NALCN: variants seen among roughly 807,000 people sequenced by gnomAD.
NALCN encodes sodium leak channel, non-selective.
NALCN carries 111 observed loss-of-function variants against 225.3 expected under a neutral mutation model. The observed-to-expected ratio is 0.49, with a 90% CI of 0.42 to 0.58. The LOEUF (loss-of-function observed/expected upper bound fraction) is 0.58, where lower values mean the gene tolerates loss of function less well. Ranked by LOEUF, NALCN falls within the 20% of genes least tolerant of loss-of-function variation. The pLI, the probability that NALCN is intolerant of heterozygous loss-of-function variation, is 0.00. For synonymous variants in NALCN, 764 were observed against 769.0 expected (o/e 0.99, Z 0.11); for missense variants, 1,378 against 2,202.4 (o/e 0.63, Z 7.49).
intron 18 of NALCN, among the ~76,000 whole-genome samples, chr13:101,120,837 G>A (rs564207679): frequency 1.3e-5 from 2 of 152,228 alleles, no homozygotes; most frequent in Non-Finnish European, 1.5e-5. Flanking sequence ...CAGCACTGCC[G>A]TCTTCAGAAC....
chr13:101,070,227 C>T (rs553803814), intron 37 of NALCN, among the ~76,000 whole-genome samples: 10 of 152,174 alleles, frequency 6.6e-5, no homozygotes, highest in South Asian at 2.1e-4. Flanking sequence ...CCACCATGCC[C>T]GGCTAATTTT....
chr13:101,260,733 T>G (rs1023228895), intron 10 of NALCN, among the ~76,000 whole-genome samples: 10 of 152,228 alleles, frequency 6.6e-5, no homozygotes, highest in African/African-American at 2.4e-4. Flanking sequence ...AGATTTTTCC[T>G]ATAGAGTTGT....
At chr13:101,406,990 G>A (rs1032871883) in intron 1 of NALCN, among the ~76,000 whole-genome samples, 8 of 152,110 alleles carry the variant, frequency 5.3e-5, no homozygotes, top group Non-Finnish European at 1.0e-4. Context: ...CTAAAAAATA[G>A]ATTCCACCTA....
intron 6 of NALCN, among the ~76,000 whole-genome samples, chr13:101,350,410 T>A (rs1412153308): frequency 6.6e-6 from 1 of 152,034 alleles, no homozygotes; most frequent in East Asian, 1.9e-4. Flanking sequence ...AGCTTAACTA[T>A]CATTTTCTCG....
At chr13:101,062,202 A>G in intron 40 of NALCN, 84 bp from the exon 41 acceptor site, 1 of 1,485,560 alleles carries the variant, frequency 6.7e-7, no homozygotes, top group Non-Finnish European at 9.1e-7. Context: ...CAGAGAGGAC[A>G]TCACTCAGTC....
intron 6 of NALCN, among the ~76,000 whole-genome samples, chr13:101,365,512 T>C (rs2046356920): frequency 6.6e-6 from 1 of 152,168 alleles, no homozygotes; most frequent in African/African-American, 2.4e-5. Context: ...ATTTAGTTGA[T>C]AAATTTTAAT....
chr13:101,410,312 C>T (rs2047743240), intron 1 of NALCN, among the ~76,000 whole-genome samples: 1 of 152,154 alleles, frequency 6.6e-6, no homozygotes, highest in Admixed American at 6.5e-5. Flanking sequence ...ATTAATGAGG[C>T]ATCACTAGCC....
chr13:101,105,015 A>G (rs1467009493), intron 22 of NALCN, 65 bp from the exon 23 acceptor site: 3 of 1,423,540 alleles, frequency 2.1e-6, no homozygotes, highest in Non-Finnish European at 3.0e-6. Context: ...GCTAAAAATC[A>G]TATTTGCAAA....
intron 17 of NALCN, among the ~76,000 whole-genome samples, chr13:101,128,101 C>T (rs939655150): frequency 6.6e-6 from 1 of 151,992 alleles, no homozygotes; most frequent in African/African-American, 2.4e-5. Flanking sequence ...GTAAACATAT[C>T]AGAGATGTGG....
At chr13:101,209,440 G>C (rs1292385068) in intron 13 of NALCN, among the ~76,000 whole-genome samples, 1 of 152,148 alleles carries the variant, frequency 6.6e-6, no homozygotes, top group Non-Finnish European at 1.5e-5. Flanking sequence ...GGAAACATGA[G>C]TGTCCTCATG....
chr13:101,143,072 G>A lies in NALCN; in HGVS notation c.2118+8C>T, dbSNP rs1460562952. 3.1e-6 allele frequency: 5 copies of A among 1,614,090 alleles called. No individual in the cohort carries two copies. The highest frequency in any genetic ancestry group is 4.2e-6 in the Non-Finnish European group (5 of 1,179,988). On this transcript the variant is annotated splice_region_variant and intron_variant, in intron 17 of 43. Transcript: ENST00000251127. ...AGAAGCCTGGTTATTCGAAACAGCA[G>A]ATCTTACTTTTTGGTCGATGTATTT... is the stretch of plus-strand genomic sequence containing the variant.
At chr13:101,229,268 T>G in intron 13 of NALCN, 125 bp downstream of exon 13, 1 of 930,296 alleles carries the variant, frequency 1.1e-6, no homozygotes, top group East Asian at 2.8e-5. Flanking sequence ...TAAAATCTAA[T>G]TATCCCAAGT....
chr13:101,262,026 C>T (rs548213052), intron 10 of NALCN, among the ~76,000 whole-genome samples: 6 of 152,220 alleles, frequency 3.9e-5, no homozygotes, highest in Non-Finnish European at 8.8e-5. Context: ...TTCCTTCTAT[C>T]CCCAGTTTTG....
intron 4 of NALCN, among the ~76,000 whole-genome samples, chr13:101,377,742 C>T (rs2046735120): frequency 6.6e-6 from 1 of 151,934 alleles, no homozygotes; most frequent in African/African-American, 2.4e-5. Flanking sequence ...AACATTGTAC[C>T]TACAGTTAAC....
In NALCN at chr13:101,059,854, C is replaced by G; in HGVS notation, c.4869G>C (p.Thr1623=). ...SIETTQPSED[T]NANSQDNSMQ... is the part of the protein sequence containing the mutation. Reference sequence around the variant, plus strand: ...TGCTGTTGTCCTGACTGTTGGCATTCGTGTCCTCACTGGGCTGGGTGGTCT... The same window carrying G: ...TGCTGTTGTCCTGACTGTTGGCATTGGTGTCCTCACTGGGCTGGGTGGTCT... The change falls in exon 42 of 44, where the codon ACG becomes ACC. Residue 1623 remains threonine, a synonymous_variant. Transcript: ENST00000251127. The G allele has an allele frequency of 6.2e-7, 1 of 1,614,052 alleles. No homozygotes were observed. Among genetic ancestry groups the G allele is most frequent in the Non-Finnish European group, 8.5e-7 (1 of 1,180,014 alleles).
chr13:101,070,072 T>TTTTTC (rs1566780360), intron 37 of NALCN, among the ~76,000 whole-genome samples: 11 of 140,050 alleles, frequency 7.9e-5, no homozygotes, highest in African/African-American at 2.9e-4. Context: ...TGTTTTTTTT[T>TTTTTC]TTTTTTTTTT....
intron 6 of NALCN, among the ~76,000 whole-genome samples, chr13:101,353,220 T>C (rs1478800069): frequency 1.3e-5 from 2 of 152,176 alleles, no homozygotes; most frequent in African/African-American, 4.8e-5. Flanking sequence ...TTTGATACCT[T>C]ACGTGGTGCT....
chr13:101,254,203 C>T lies in NALCN; in HGVS notation c.1266+4240G>A, dbSNP rs150809363. The stretch of plus-strand genomic sequence containing the variant: ...TTTGAGACCAGCCTGGCTAACATGG[C>T]GAAACCCCATCTCTACTAGAAATAC... On this transcript the variant is annotated intron_variant, in intron 11 of 43. Coordinates refer to ENST00000251127, the MANE Select transcript of NALCN (RefSeq NM_052867.4). 6.6e-5 allele frequency among the ~76,000 whole-genome samples: 10 copies of T among 151,494 alleles called. No homozygotes were observed. In the East Asian group the frequency reaches 9.8e-4, roughly 15 times the overall value.
At chr13:101,062,164 G>A (rs2032005568) in intron 40 of NALCN, 46 bp from the exon 41 acceptor site, 1 of 1,603,130 alleles carries the variant, frequency 6.2e-7, no homozygotes, top group African/African-American at 1.3e-5. Flanking sequence ...ATTCACCTGA[G>A]ATTTACACCC....
Sources: gnomAD v4.1 joint callset for allele counts (sites outside exome capture counted in the v4.1 genomes callset) on GRCh38, gnomAD v4.1.1 for gene constraint, MANE v1.5 for transcripts, NCBI Gene and HGNC (gene_info 2026-07-23, HGNC 2026-07-21) for gene names.